Variants in GSTCD observed in about 807,000 individuals in gnomAD.
GSTCD encodes glutathione S-transferase C-terminal domain-containing protein.
Under a neutral mutation model 68.3 loss-of-function variants are expected in GSTCD, and 44 were observed. That is an observed-to-expected ratio of 0.64 (90% confidence interval 0.51 to 0.83). GSTCD has a LOEUF of 0.83. GSTCD is among the 40% of genes least tolerant of loss of function. The probability of loss-of-function intolerance (pLI) is 0.00; values close to 1 mark genes in which losing one functional copy is unlikely to be tolerated. For synonymous variants in GSTCD, 273 were observed against 255.2 expected (o/e 1.07, Z -0.67); for missense variants, 739 against 735.9 (o/e 1.00, Z -0.05).
intron 1 of GSTCD, among the ~76,000 whole-genome samples, chr4:105,716,558 A>G (rs1732687392): frequency 1.3e-5 from 2 of 152,184 alleles, no homozygotes; most frequent in Admixed American, 1.3e-4. Context: ...GCGGCATCAG[A>G]TTCTCATAGG....
chr4:105,784,628 C>G (rs1735396741), intron 5 of GSTCD, among the ~76,000 whole-genome samples: 2 of 152,192 alleles, frequency 1.3e-5, no homozygotes. Flanking sequence ...AAAATTGTGA[C>G]TTTCTAGCAC....
chr4:105,836,972 C>T (rs1188201901), intron 9 of GSTCD, among the ~76,000 whole-genome samples: 1 of 152,066 alleles, frequency 6.6e-6, no homozygotes, highest in Non-Finnish European at 1.5e-5. Flanking sequence ...ATGTATAAGT[C>T]AATGTTTTTG....
intron 5 of GSTCD, among the ~76,000 whole-genome samples, chr4:105,773,582 G>T (rs1734940053): frequency 1.3e-5 from 2 of 152,112 alleles, no homozygotes; most frequent in South Asian, 4.1e-4. Context: ...TGTTTTCAAA[G>T]AACTTATTTA....
chr4:105,794,821 TTTTATCTATCTATCTA>T (rs1238790335), intron 5 of GSTCD, among the ~76,000 whole-genome samples: 7,471 of 148,302 alleles, frequency 0.05, 648 homozygotes, highest in African/African-American at 0.17. Flanking sequence ...TTATTTCTGC[TTTTATCTATCTATCTA>T]TTTATCTATC....
chr4:105,731,816 A>T (rs1266033659), intron 5 of GSTCD, among the ~76,000 whole-genome samples: 1 of 152,214 alleles, frequency 6.6e-6, no homozygotes, highest in East Asian at 1.9e-4. Context: ...TCAGTATGAT[A>T]TTGGCTGTGG....
chr4:105,772,039 G>A (rs1392831190), intron 5 of GSTCD, among the ~76,000 whole-genome samples: 1 of 151,922 alleles, frequency 6.6e-6, no homozygotes, highest in Non-Finnish European at 1.5e-5. Flanking sequence ...TGTCCTCTCT[G>A]ATATCCTTGA....
At chr4:105,711,953 A>C (rs1212443524) in intron 1 of GSTCD, among the ~76,000 whole-genome samples, 1 of 152,238 alleles carries the variant, frequency 6.6e-6, no homozygotes, top group Non-Finnish European at 1.5e-5. Flanking sequence ...TCACCTCACA[A>C]AGGTGATCTT....
intron 8 of GSTCD, among the ~76,000 whole-genome samples, chr4:105,828,596 G>T (rs776416531): frequency 6.6e-6 from 1 of 152,138 alleles, no homozygotes; most frequent in Admixed American, 6.5e-5. Context: ...TCAACATTCT[G>T]TAACTTGAAT....
At chr4:105,839,476 A>G (rs541699022) in intron 10 of GSTCD, among the ~76,000 whole-genome samples, 3 of 152,294 alleles carry the variant, frequency 2.0e-5, no homozygotes, top group Non-Finnish European at 4.4e-5. Flanking sequence ...TTCTACTAAA[A>G]ATACAAAAAT....
intron 5 of GSTCD, among the ~76,000 whole-genome samples, chr4:105,806,230 T>C (rs1722492040): frequency 6.6e-6 from 1 of 152,052 alleles, no homozygotes; most frequent in Non-Finnish European, 1.5e-5. Flanking sequence ...AACTTAGATA[T>C]CTCCAGTACA....
chr4:105,766,550 G>T (rs1391080246), intron 5 of GSTCD, among the ~76,000 whole-genome samples: 9 of 151,982 alleles, frequency 5.9e-5, no homozygotes, highest in African/African-American at 2.2e-4. Flanking sequence ...GAGTCATCTG[G>T]TTTTTTTTCT....
chr4:105,743,203 G>A (rs1733692318), intron 5 of GSTCD, among the ~76,000 whole-genome samples: 1 of 151,902 alleles, frequency 6.6e-6, no homozygotes, highest in Non-Finnish European at 1.5e-5. Flanking sequence ...GCCCCCCTTG[G>A]CCTCCCAAAG....
At chr4:105,829,238 C>G (rs1200284378) in intron 8 of GSTCD, among the ~76,000 whole-genome samples, 2 of 151,198 alleles carry the variant, frequency 1.3e-5, no homozygotes, top group African/African-American at 4.9e-5. Context: ...TTTTGATCAC[C>G]CAATCACTGG....
At chr4:105,767,198 G>C (rs7691960) in intron 5 of GSTCD, among the ~76,000 whole-genome samples, 4,250 of 152,086 alleles carry the variant, frequency 0.028, 178 homozygotes, top group African/African-American at 0.089. Flanking sequence ...ATTTGAATAG[G>C]GTTTGAACAG....
chr4:105,779,152 A>T (rs181733796), intron 5 of GSTCD, among the ~76,000 whole-genome samples: 1 of 152,194 alleles, frequency 6.6e-6, no homozygotes, highest in Non-Finnish European at 1.5e-5. Context: ...TCCCATATTT[A>T]TGTTTTACAT....
intron 5 of GSTCD, among the ~76,000 whole-genome samples, chr4:105,749,602 C>A: frequency 6.7e-6 from 1 of 148,430 alleles, no homozygotes; most frequent in Non-Finnish European, 1.5e-5. Flanking sequence ...AATTGAACAT[C>A]CATAGGCAAA....
chr4:105,814,940 G>C (rs977479856), intron 5 of GSTCD, among the ~76,000 whole-genome samples: 3 of 152,202 alleles, frequency 2.0e-5, no homozygotes, highest in Non-Finnish European at 4.4e-5. Flanking sequence ...TGTGTAACTT[G>C]TATGAATAGC....
At chr4:105,752,020 C>CA (rs1403646071) in intron 5 of GSTCD, among the ~76,000 whole-genome samples, 1 of 152,074 alleles carries the variant, frequency 6.6e-6, no homozygotes, top group African/African-American at 2.4e-5. Context: ...GAGTCCTCAA[C>CA]AAAAATAAGC....
intron 5 of GSTCD, among the ~76,000 whole-genome samples, chr4:105,783,532 A>G (rs1735356066): frequency 6.6e-6 from 1 of 151,998 alleles, no homozygotes. Flanking sequence ...ATTTTTTTTT[A>G]TCATTCATGC....
Sources: gnomAD v4.1 joint callset for allele counts (sites outside exome capture counted in the v4.1 genomes callset) on GRCh38, gnomAD v4.1.1 for gene constraint, MANE v1.5 for transcripts, NCBI Gene and HGNC (gene_info 2026-07-23, HGNC 2026-07-21) for gene names.